The following DSCAML1 variants were observed in gnomAD, a reference collection of about 807,000 sequenced individuals.
DSCAML1 encodes the protein cell adhesion molecule DSCAML1.
Under a neutral mutation model 200.5 loss-of-function variants are expected in DSCAML1, and 38 were observed. The ratio of observed to expected loss-of-function variants is 0.19; its 90% confidence interval spans 0.15 to 0.25. DSCAML1 has a LOEUF of 0.25. Among genes scored for constraint, DSCAML1 ranks in the 10% least tolerant of loss-of-function variants. The pLI is 1.00. For missense variants in DSCAML1, 2,223 were observed against 2,858.8 expected (o/e 0.78, Z 5.07); for synonymous variants, 1,215 against 1,165.0 (o/e 1.04, Z -0.87).
intron 3 of DSCAML1, among the ~76,000 whole-genome samples, chr11:117,766,216 C>T (rs1462796948): frequency 6.6e-6 from 1 of 152,226 alleles, no homozygotes; most frequent in Non-Finnish European, 1.5e-5. Context: ...CATTGATACA[C>T]AACAGAGTTC....
At chr11:117,636,192 G>T (rs928083551) in intron 3 of DSCAML1, among the ~76,000 whole-genome samples, 1 of 152,144 alleles carries the variant, frequency 6.6e-6, no homozygotes, top group Non-Finnish European at 1.5e-5. Flanking sequence ...AGGAAAAACC[G>T]AGCCTTTCAT....
At chr11:117,817,159 C>T (rs1482016135) in intron 1 of DSCAML1, among the ~76,000 whole-genome samples, 2 of 152,212 alleles carry the variant, frequency 1.3e-5, no homozygotes, top group African/African-American at 4.8e-5. Context: ...TCTTCCTGTT[C>T]ATGGGTGCTG....
At chr11:117,816,486 C>T (rs1306399810) in intron 1 of DSCAML1, among the ~76,000 whole-genome samples, 1 of 152,242 alleles carries the variant, frequency 6.6e-6, no homozygotes, top group Non-Finnish European at 1.5e-5. Flanking sequence ...GCCCCAGAGG[C>T]CCCTGATGAA....
intron 19 of DSCAML1, among the ~76,000 whole-genome samples, chr11:117,451,459 G>C (rs1011639574): frequency 2.0e-5 from 3 of 152,052 alleles, no homozygotes; most frequent in Non-Finnish European, 4.4e-5. Flanking sequence ...TTACCTCTCT[G>C]AGCCTCCGTT....
intron 3 of DSCAML1, among the ~76,000 whole-genome samples, chr11:117,645,376 A>C (rs1335507732): frequency 6.6e-6 from 1 of 152,136 alleles, no homozygotes; most frequent in Non-Finnish European, 1.5e-5. Flanking sequence ...GGGTGAGGAG[A>C]GAAATTCCAG....
At chr11:117,686,570 T>A (rs1468792141) in intron 3 of DSCAML1, among the ~76,000 whole-genome samples, 1 of 152,202 alleles carries the variant, frequency 6.6e-6, no homozygotes, top group Non-Finnish European at 1.5e-5. Flanking sequence ...GAGCCTCCTC[T>A]CCTTGCAAAG....
intron 3 of DSCAML1, among the ~76,000 whole-genome samples, chr11:117,745,446 G>A (rs1591465344): frequency 6.6e-6 from 1 of 152,278 alleles, no homozygotes; most frequent in South Asian, 2.1e-4. Context: ...TGGGGCGGGG[G>A]ACAGGGATGG....
At chr11:117,796,568 G>A (rs758099624) in intron 1 of DSCAML1, among the ~76,000 whole-genome samples, 3 of 152,250 alleles carry the variant, frequency 2.0e-5, no homozygotes, top group Non-Finnish European at 4.4e-5. Context: ...GGTCCGCGGC[G>A]GGAGAGGGAC....
At chr11:117,435,114 C>A (rs539657681) in intron 27 of DSCAML1, among the ~76,000 whole-genome samples, 2 of 152,318 alleles carry the variant, frequency 1.3e-5, no homozygotes, top group Admixed American at 1.3e-4. Flanking sequence ...TGTGGGAAAA[C>A]TGAGGTAAAT....
intron 3 of DSCAML1, among the ~76,000 whole-genome samples, chr11:117,566,735 T>A (rs12792064): frequency 8.5e-6 from 1 of 117,524 alleles, no homozygotes. Context: ...CCACTCCCCC[T>A]ACCCCACAAC....
chr11:117,656,524 T>G lies in DSCAML1; in HGVS notation c.511+120267A>C, dbSNP rs563408958. On this transcript the variant is annotated intron_variant, in intron 3 of 32. Coordinates refer to ENST00000651296, the MANE Select transcript of DSCAML1 (RefSeq NM_020693.4). Reference sequence around the variant, plus strand: ...CTATCTATCTATCTATCTATCTATCTATCTATCTATCTATCTATCTATCCA... The same window carrying G: ...CTATCTATCTATCTATCTATCTATCGATCTATCTATCTATCTATCTATCCA... 2.1e-3 allele frequency among the ~76,000 whole-genome samples: 320 copies of G among 149,852 alleles called. No individual in the cohort carries two copies. The Middle Eastern group carries it at 0.038, about 18-fold the overall frequency.
At chr11:117,599,597 T>TA (rs1565817495) in intron 3 of DSCAML1, among the ~76,000 whole-genome samples, 1 of 152,126 alleles carries the variant, frequency 6.6e-6, no homozygotes, top group African/African-American at 2.4e-5. Context: ...CATGTGAACA[T>TA]ATTCACTGAG....
In DSCAML1 at chr11:117,728,602, C is replaced by T. The variant is rs530117494; in HGVS notation, c.511+48189G>A. The stretch of plus-strand genomic sequence containing the variant: ...GTGAGTTCAGCAAGGTTTCAGAATA[C>T]AATATTGATACTCAAAAATCTATTG... On this transcript the variant is annotated intron_variant, in intron 3 of 32. Transcript: ENST00000651296. Among the ~76,000 whole-genome samples, 11 of 136,606 alleles carry T rather than the reference C, an allele frequency of 8.1e-5. No homozygotes were observed. In the South Asian group the frequency reaches 2.1e-3, roughly 26 times the overall value. 89.6% of individuals were successfully genotyped at this position (136,606 alleles called of 152,430 possible).
chr11:117,504,143 C>G lies in DSCAML1; in HGVS notation c.2183-122G>C, dbSNP rs2049447923. On this transcript the variant is annotated intron_variant, in intron 10 of 32. Coordinates refer to ENST00000651296, the MANE Select transcript of DSCAML1 (RefSeq NM_020693.4). This position sits in a 1 kb window ranked among gnomAD's most constrained non-coding sequence, Gnocchi z 5.0. ...AGGGCCATTTTGTAGCAGAGCTGCA[C>G]CATCCCCAAAGTGCTGAGGCCACAT... 6.7e-6 allele frequency: 8 copies of G among 1,200,600 alleles called. No individual in the cohort carries two copies. The highest frequency in any genetic ancestry group is 9.3e-6 in the Non-Finnish European group (8 of 859,218). The allele number at this position is 1,200,600 out of a possible 1,614,324, so 74.4% of individuals were successfully genotyped here. A position where few individuals can be genotyped will look rare whatever the true frequency, so the allele number is the denominator to read the frequency against.
intron 1 of DSCAML1, among the ~76,000 whole-genome samples, chr11:117,781,168 G>A (rs569735233): frequency 1.3e-5 from 2 of 152,118 alleles, no homozygotes; most frequent in East Asian, 3.9e-4. Context: ...ACACGCGTCT[G>A]TAGTTTCAGC....
intron 3 of DSCAML1, among the ~76,000 whole-genome samples, chr11:117,573,188 G>T (rs548794213): frequency 6.6e-6 from 1 of 152,282 alleles, no homozygotes; most frequent in East Asian, 1.9e-4. Flanking sequence ...CTCCAACCCC[G>T]ATCTGCTACT....
At chr11:117,643,876 G>T (rs1176532506) in intron 3 of DSCAML1, among the ~76,000 whole-genome samples, 1 of 152,234 alleles carries the variant, frequency 6.6e-6, no homozygotes, top group African/African-American at 2.4e-5. Context: ...CACAGGGGAA[G>T]AAGGAGAGTT....
intron 14 of DSCAML1, among the ~76,000 whole-genome samples, chr11:117,473,699 ATTT>A (rs1565716597): frequency 6.6e-6 from 1 of 152,166 alleles, no homozygotes; most frequent in Non-Finnish European, 1.5e-5. Flanking sequence ...GTAGTTTTGC[ATTT>A]AATTCTTTGG....
At chr11:117,683,452 C>T (rs1283939549) in intron 3 of DSCAML1, among the ~76,000 whole-genome samples, 4 of 152,328 alleles carry the variant, frequency 2.6e-5, no homozygotes, top group African/African-American at 4.8e-5. Context: ...CAGTCATCTG[C>T]GAGTTTCTCG....
Sources: gnomAD v4.1 joint callset for allele counts (sites outside exome capture counted in the v4.1 genomes callset) on GRCh38, gnomAD v4.1.1 for gene constraint, Gnocchi (gnomAD v3.1) non-coding constraint, MANE v1.5 for transcripts, NCBI Gene and HGNC (gene_info 2026-07-23, HGNC 2026-07-21) for gene names.